PARP1: variants seen among roughly 807,000 people sequenced by gnomAD.
The protein encoded by PARP1 is poly [ADP-ribose] polymerase 1.
Under a neutral mutation model 118.7 loss-of-function variants are expected in PARP1, and 44 were observed. The observed-to-expected ratio is 0.37, with a 90% CI of 0.29 to 0.48. PARP1 has a LOEUF of 0.48. Ranked by LOEUF, PARP1 falls within the 20% of genes least tolerant of loss-of-function variation. The pLI is 0.99. For missense variants in PARP1, 1,100 were observed against 1,272.4 expected (o/e 0.86, Z 2.06); for synonymous variants, 492 against 483.2 (o/e 1.02, Z -0.24).
At chr1:226,397,022 T>C (rs1269982555) in intron 2 of PARP1, among the ~76,000 whole-genome samples, 2 of 151,994 alleles carry the variant, frequency 1.3e-5, no homozygotes, top group Non-Finnish European at 2.9e-5. Flanking sequence ...CCAGGTGTAT[T>C]TGCTCATGCC....
At chr1:226,379,412 G>T in intron 11 of PARP1, 138 bp from the exon 12 acceptor site, 1 of 1,249,084 alleles carries the variant, frequency 8.0e-7, no homozygotes. Context: ...CCACAAATGT[G>T]TGTTCTCAGG....
chr1:226,408,007 T>G lies in PARP1; in HGVS notation c.-78A>C, dbSNP rs1576406368. 1.3e-6 allele frequency: 2 copies of G among 1,594,196 alleles called. No homozygotes were observed. Among genetic ancestry groups the G allele is most frequent in the African/African-American group, 2.7e-5 (2 of 74,468 alleles). On this transcript the variant is annotated 5_prime_UTR_variant, in exon 1 of 23. Coordinates refer to ENST00000366794, the MANE Select transcript of PARP1 (RefSeq NM_001618.4). ...CACGCTGCCGCCTCGCCGCCTCGCG[T>G]GCGCTCACCCAGCCGCAGGCGCCTG...
Position 226,374,892 on chromosome 1 carries a change from G to A in PARP1, c.1942-538C>T, listed in dbSNP as rs555860080. Among the ~76,000 whole-genome samples, 11 of 152,264 alleles carry A rather than the reference G, an allele frequency of 7.2e-5. No individual in the cohort carries two copies. The South Asian group carries it at 2.3e-3, about 32-fold the overall frequency. ...CAGGCTGACAGTGTTAAAGCACATC[G>A]TAGCATTAGCTGTCCGTCCTCTTCC... On this transcript the variant is annotated intron_variant, in intron 13 of 22. Coordinates refer to ENST00000366794, the MANE Select transcript of PARP1 (RefSeq NM_001618.4).
chr1:226,397,838 G>T (rs1354848421), intron 2 of PARP1, among the ~76,000 whole-genome samples: 1 of 151,980 alleles, frequency 6.6e-6, no homozygotes, highest in African/African-American at 2.4e-5. Context: ...GACAGAACAG[G>T]GAGCCCAGAA....
Position 226,379,606 on chromosome 1 carries a change from G to C in PARP1, c.1579C>G (p.Leu527Val), listed in dbSNP as rs1664565492. 2 of 1,613,146 alleles carry C rather than the reference G, an allele frequency of 1.2e-6. No homozygotes were observed. Among genetic ancestry groups the C allele is most frequent in the Non-Finnish European group, 8.5e-7 (1 of 1,179,416 alleles). ...NKSEKRMKLT[L>V]KGGAAVDPDS... The stretch of plus-strand genomic sequence containing the variant: ...GGATCCACAGCTGCTCCTCCTTTAA[G>C]AGTTAATTTCATTCTCTTTTCAGAT... Residue 527 changes from leucine to valine, a missense_variant, in exon 11 of 23, where the codon CTT becomes GTT. Leu to Val is a conservative substitution (Grantham distance 32). Coordinates refer to ENST00000366794, the MANE Select transcript of PARP1 (RefSeq NM_001618.4).
rs368229180 is a variant in PARP1 at position 226,384,990 on chromosome 1, C to T, written c.1011+514G>A. On this transcript the variant is annotated intron_variant, in intron 7 of 22. Transcript: ENST00000366794. ...CCCCACAAAGATACTGCTAGAACCC[C>T]ACCAGCCGGCTCCAAAGGAGGCTCC... is the stretch of plus-strand genomic sequence containing the variant. Among the ~76,000 whole-genome samples, 8 of 152,186 alleles carry T rather than the reference C, an allele frequency of 5.3e-5. No homozygotes were observed. The East Asian group carries it at 5.8e-4, about 11-fold the overall frequency.
In PARP1 at chr1:226,388,750, C is replaced by T. The variant is rs922237606; in HGVS notation, c.623G>A (p.Arg208Lys). The change falls in exon 5 of 23, where the codon AGA becomes AAA. Residue 208 changes from arginine to lysine, a missense_variant. Physicochemically the swap from Arg to Lys is conservative, Grantham distance 26. Around this residue, in one of 2 missense-constraint regions of PARP1, gnomAD observed 948 missense variants for 1,031.8 expected, o/e 0.92. Transcript: ENST00000366794. The stretch of plus-strand genomic sequence containing the variant: ...CACTCCATCCACCTCATCGCCTTTT[C>T]TCTTTCTGAAGGAGACACAGGATAT... ...QLPGVKSEGK[R>K]KGDEVDGVDE... is the part of the protein sequence containing the mutation. The T allele has an allele frequency of 6.2e-6, 10 of 1,613,264 alleles. No individual in the cohort carries two copies. The African/African-American group carries it at 1.1e-4, about 17-fold the overall frequency.
chr1:226,380,278 C>G, intron 9 of PARP1, 114 bp from the exon 10 acceptor site: 1 of 1,045,514 alleles, frequency 9.6e-7, no homozygotes, highest in South Asian at 1.3e-5. Context: ...ATTCACAGCT[C>G]TCCTTTGCTT....
intron 1 of PARP1, 123 bp downstream of exon 1, chr1:226,407,687 C>T: frequency 1.0e-6 from 1 of 1,000,572 alleles, no homozygotes; most frequent in Non-Finnish European, 1.3e-6. Flanking sequence ...CCCATAGGCC[C>T]CAAGTGCCGC....
At chr1:226,367,441 G>A in intron 17 of PARP1, 39 bp downstream of exon 17, 1 of 1,611,184 alleles carries the variant, frequency 6.2e-7, no homozygotes, top group Non-Finnish European at 8.5e-7. Context: ...CTCTCAGGAT[G>A]AGAGGTTAAG....
chr1:226,361,635 A>T, intron 22 of PARP1, 94 bp from the exon 23 acceptor site: 1 of 923,206 alleles, frequency 1.1e-6, no homozygotes, highest in Non-Finnish European at 1.8e-6. Flanking sequence ...GCTCAGTGCC[A>T]GCCTGAAAGT....
intron 1 of PARP1, among the ~76,000 whole-genome samples, chr1:226,406,966 G>T (rs1339547298): frequency 6.6e-6 from 1 of 152,154 alleles, no homozygotes; most frequent in Non-Finnish European, 1.5e-5. Flanking sequence ...TGTTGGAAGC[G>T]AGGAGGAACA....
chr1:226,361,575 T>C (rs775320911), intron 22 of PARP1, 34 bp from the exon 23 acceptor site: 1 of 1,436,350 alleles, frequency 7.0e-7, no homozygotes, highest in Non-Finnish European at 9.8e-7. Context: ...CCAACAGCCA[T>C]ACAACAGAGG....
At chr1:226,367,094 C>T (rs546478381) in intron 17 of PARP1, 36 of 286,494 alleles carry the variant, frequency 1.3e-4, no homozygotes, top group Non-Finnish European at 2.0e-4. Flanking sequence ...AAATGGACAC[C>T]GGTAATAAGT....
chr1:226,378,822 G>A lies in PARP1; in HGVS notation c.1745+320C>T, dbSNP rs530958432. 2.6e-5 allele frequency among the ~76,000 whole-genome samples: 4 copies of A among 152,234 alleles called. No individual in the cohort carries two copies. The South Asian group carries it at 6.2e-4, about 24-fold the overall frequency. ...TGCACTCCAGCCTGGGTAACAGAGC[G>A]AGACTATTTCAAAAAACAAAACAAA... is the stretch of plus-strand genomic sequence containing the variant. On this transcript the variant is annotated intron_variant, in intron 12 of 22. Transcript: ENST00000366794.
chr1:226,380,776 CA>C (rs761789625), intron 9 of PARP1, among the ~76,000 whole-genome samples: 13 of 152,282 alleles, frequency 8.5e-5, no homozygotes, highest in South Asian at 4.1e-4. Flanking sequence ...ATCATGTTGT[CA>C]CTCAAAAAGT....
At chr1:226,392,952 C>T in intron 2 of PARP1, 1 of 1,572,686 alleles carries the variant, frequency 6.4e-7, no homozygotes, top group East Asian at 2.3e-5. Flanking sequence ...ATCTTCCCAT[C>T]ACTTCTATTC....
intron 22 of PARP1, 152 bp downstream of exon 22, chr1:226,361,817 G>T: frequency 1.4e-6 from 1 of 703,430 alleles, no homozygotes; most frequent in Non-Finnish European, 2.6e-6. Context: ...CTATGCACAG[G>T]GAGGGACCAC....
At position 226,402,338 on chromosome 1, in the gene PARP1, G is replaced by C. The variant is rs3738708; in HGVS notation, c.162C>G (p.Phe54Leu). 2 of 1,613,932 alleles carry C rather than the reference G, an allele frequency of 1.2e-6. No individual in the cohort carries two copies. The highest frequency in any genetic ancestry group is 4.5e-5 in the East Asian group (2 of 44,890). The change falls in exon 2 of 23, where the codon TTC becomes TTG. Residue 54 changes from phenylalanine (F) to leucine (L), a missense_variant. Transcript: ENST00000366794. Reference protein sequence around the residue: ...FDGKVPHWYHFSCFWKVGHSI... With the variant: ...FDGKVPHWYHLSCFWKVGHSI... ...AGTGGCCCACCTTCCAGAAGCAGGAGAAGTGGTACCAGTGTGGGACTTTTC... is the reference window on the plus strand; with the variant it reads ...AGTGGCCCACCTTCCAGAAGCAGGACAAGTGGTACCAGTGTGGGACTTTTC...
Sources: gnomAD v4.1 joint callset for allele counts (sites outside exome capture counted in the v4.1 genomes callset) on GRCh38, gnomAD v4.1.1 for gene constraint, gnomAD v4.1.1 regional missense constraint, MANE v1.5 for transcripts, NCBI Gene and HGNC (gene_info 2026-07-23, HGNC 2026-07-21) for gene names.